Variants in CADM2 observed in about 807,000 individuals in gnomAD.
The protein encoded by CADM2 is immunoglobulin superfamily member 4D.
Under a neutral mutation model 49.8 loss-of-function variants are expected in CADM2, and 12 were observed. The ratio of observed to expected loss-of-function variants is 0.24; its 90% CI spans 0.15 to 0.39. The LOEUF (loss-of-function observed/expected upper bound fraction) is 0.39, where lower values mean the gene tolerates loss of function less well. Ranked by LOEUF, CADM2 falls within the 10% of genes least tolerant of loss-of-function variation. CADM2 has a pLI of 1.00. For missense variants in CADM2, 378 were observed against 492.3 expected, an observed-to-expected ratio of 0.77 and a Z score of 2.20; for synonymous variants, 214 against 175.4, an observed-to-expected ratio of 1.22 and a Z score of -1.74.
intron 3 of CADM2, among the ~76,000 whole-genome samples, chr3:85,869,828 AT>A (rs1195011595): frequency 4.0e-5 from 6 of 151,756 alleles, no homozygotes; most frequent in Non-Finnish European, 8.8e-5. Flanking sequence ...GGCCTGGCTA[AT>A]TTTTTGTATT....
At chr3:85,225,217 T>C (rs1337062658) in intron 1 of CADM2, among the ~76,000 whole-genome samples, 1 of 152,210 alleles carries the variant, frequency 6.6e-6, no homozygotes, top group African/African-American at 2.4e-5. Flanking sequence ...ATGATATTGG[T>C]TCTTCCTATC....
At chr3:85,607,846 G>A (rs921073542) in intron 1 of CADM2, among the ~76,000 whole-genome samples, 3 of 151,706 alleles carry the variant, frequency 2.0e-5, no homozygotes, top group African/African-American at 4.8e-5. Flanking sequence ...TAGTAGAGAC[G>A]GGGTTTCACC....
At chr3:86,037,457 A>G (rs1378780311) in intron 8 of CADM2, among the ~76,000 whole-genome samples, 3 of 152,172 alleles carry the variant, frequency 2.0e-5, no homozygotes, top group Non-Finnish European at 4.4e-5. Context: ...CAGGGCAAGC[A>G]CTAAACTATA....
intron 1 of CADM2, among the ~76,000 whole-genome samples, chr3:85,357,755 A>G (rs1431256495): frequency 6.6e-6 from 1 of 152,128 alleles, no homozygotes; most frequent in African/African-American, 2.4e-5. Context: ...TTCTTCTTCA[A>G]GAAATACTAA....
At chr3:85,131,995 C>T (rs1021734571) in intron 1 of CADM2, among the ~76,000 whole-genome samples, 1 of 151,742 alleles carries the variant, frequency 6.6e-6, no homozygotes, top group Non-Finnish European at 1.5e-5. Context: ...ATGATATAAC[C>T]TATGTCATAT....
At chr3:85,861,841 T>G (rs2075546517) in intron 3 of CADM2, among the ~76,000 whole-genome samples, 2 of 151,950 alleles carry the variant, frequency 1.3e-5, no homozygotes, top group Admixed American at 6.6e-5. Context: ...TTTAATAAGA[T>G]AAAGCATTCA....
intron 8 of CADM2, among the ~76,000 whole-genome samples, chr3:85,989,972 A>ACTG (rs1728562286): frequency 8.0e-6 from 1 of 124,950 alleles, no homozygotes. Flanking sequence ...AGATCGCACC[A>ACTG]CTGCCCTCCA....
intron 1 of CADM2, among the ~76,000 whole-genome samples, chr3:85,001,212 T>G (rs921727954): frequency 6.6e-6 from 1 of 152,104 alleles, no homozygotes; most frequent in African/African-American, 2.4e-5. Context: ...CTCCTTTCTC[T>G]ATTTAATTAT....
In CADM2 at chr3:85,140,008, A is replaced by G. The variant is rs1182086494; in HGVS notation, c.61+180340A>G. 3.3e-5 allele frequency among the ~76,000 whole-genome samples: 5 copies of G among 152,138 alleles called. No individual in the cohort carries two copies. The East Asian group carries it at 9.6e-4, about 29-fold the overall frequency. On this transcript the variant is annotated intron_variant, in intron 1 of 9. Coordinates refer to ENST00000383699, the MANE Select transcript of CADM2 (RefSeq NM_001167675.2). Reference sequence around the variant, plus strand: ...GATAACACGTTCAGTTTCAGGCTGGAGTTAAAGACCAGTGGATAGGGAAGG... The same window carrying G: ...GATAACACGTTCAGTTTCAGGCTGGGGTTAAAGACCAGTGGATAGGGAAGG...
At chr3:86,051,971 A>AG (rs1737395608) in intron 8 of CADM2, among the ~76,000 whole-genome samples, 2 of 152,148 alleles carry the variant, frequency 1.3e-5, no homozygotes, top group South Asian at 4.2e-4. Context: ...GACTTTCAAA[A>AG]AAAAACTTTG....
intron 7 of CADM2, among the ~76,000 whole-genome samples, chr3:85,947,221 A>C (rs1301851562): frequency 6.6e-6 from 1 of 151,980 alleles, no homozygotes; most frequent in Non-Finnish European, 1.5e-5. Flanking sequence ...GCCATCAGAA[A>C]AATGCAAATC....
intron 1 of CADM2, among the ~76,000 whole-genome samples, chr3:85,521,625 C>A (rs1227968927): frequency 6.6e-6 from 1 of 152,016 alleles, no homozygotes; most frequent in East Asian, 1.9e-4. Flanking sequence ...ATTTTTAAAG[C>A]CCCTTAATTA....
chr3:85,513,427 C>CT (rs576944721), intron 1 of CADM2, among the ~76,000 whole-genome samples: 4 of 151,552 alleles, frequency 2.6e-5, no homozygotes, highest in Admixed American at 6.6e-5. Context: ...TAATAATTTA[C>CT]TTTTTTTTGA....
intron 2 of CADM2, among the ~76,000 whole-genome samples, chr3:85,789,469 TC>T (rs1413749947): frequency 6.6e-6 from 1 of 152,232 alleles, no homozygotes; most frequent in Non-Finnish European, 1.5e-5. Flanking sequence ...ACCCTCTTAT[TC>T]TTTTATATTG....
At chr3:86,043,774 T>C (rs979240811) in intron 8 of CADM2, among the ~76,000 whole-genome samples, 10 of 151,988 alleles carry the variant, frequency 6.6e-5, no homozygotes, top group Admixed American at 5.9e-4. Flanking sequence ...GCCAAAAGAA[T>C]AAAGCTGGAG....
intron 6 of CADM2, among the ~76,000 whole-genome samples, chr3:85,929,305 GA>G (rs1279181213): frequency 6.6e-6 from 1 of 151,928 alleles, no homozygotes; most frequent in African/African-American, 2.4e-5. Context: ...ATTTGGTTTA[GA>G]AAATATTCCC....
intron 1 of CADM2, among the ~76,000 whole-genome samples, chr3:85,311,963 CTCAA>C (rs1158233799): frequency 9.9e-5 from 15 of 152,158 alleles, no homozygotes; most frequent in Non-Finnish European, 1.5e-4. Context: ...CAAGCGTCTA[CTCAA>C]TCAGTGTAGG....
intron 5 of CADM2, among the ~76,000 whole-genome samples, chr3:85,905,428 T>C (rs1716671586): frequency 6.6e-6 from 1 of 152,140 alleles, no homozygotes; most frequent in Non-Finnish European, 1.5e-5. Flanking sequence ...TTATATATAT[T>C]GACATGGAAC....
At position 85,415,141 on chromosome 3, in the gene CADM2, A is replaced by G. The variant is rs559361703; in HGVS notation, c.62-311381A>G. 9.2e-5 allele frequency among the ~76,000 whole-genome samples: 14 copies of G among 152,266 alleles called. No individual in the cohort carries two copies. The South Asian group carries it at 2.9e-3, about 32-fold the overall frequency. ...ATAATGCTTGTATTTAACTGTATAT[A>G]TGTAAATAATTTGCTTAAACTTTGT... On this transcript the variant is annotated intron_variant, in intron 1 of 9. Coordinates refer to ENST00000383699, the MANE Select transcript of CADM2 (RefSeq NM_001167675.2).
Sources: allele counts gnomAD v4.1 joint callset (sites outside exome capture counted in the v4.1 genomes callset), GRCh38; gene constraint gnomAD v4.1.1; transcripts MANE v1.5; gene names NCBI Gene and HGNC (gene_info 2026-07-23, HGNC 2026-07-21).